The following DENND1A variants were observed in gnomAD, a reference collection of about 807,000 sequenced individuals.
The protein encoded by DENND1A is DENN domain containing 1A, also known as DENN domain-containing protein 1A.
Under a neutral mutation model 113.7 loss-of-function variants are expected in DENND1A, and 51 were observed. That is an observed-to-expected ratio of 0.45 (90% CI 0.36 to 0.57). The LOEUF is 0.57. DENND1A is among the 20% of genes least tolerant of loss of function. DENND1A has a pLI of 0.00. For missense variants in DENND1A, 1,258 were observed against 1,395.9 expected (o/e 0.90, Z 1.57); for synonymous variants, 565 against 570.8 (o/e 0.99, Z 0.14).
At position 123,855,230 on chromosome 9, in the gene DENND1A, T is replaced by A. The variant is rs1276753768; in HGVS notation, c.88+23721A>T. Among the ~76,000 whole-genome samples, 3 of 151,190 alleles carry A rather than the reference T, an allele frequency of 2.0e-5. No individual in the cohort carries two copies. The South Asian group carries it at 6.2e-4, about 31-fold the overall frequency. On this transcript the variant is annotated intron_variant, in intron 2 of 23. Coordinates refer to ENST00000394215, the MANE Select transcript of DENND1A (RefSeq NM_001352964.2). ...TCAAGGGAGAATTCAAGCAAGAAGGTTCCTGCCCTCAAGAAAAACAGAAAA... is the reference window on the plus strand; with the variant it reads ...TCAAGGGAGAATTCAAGCAAGAAGGATCCTGCCCTCAAGAAAAACAGAAAA...
chr9:123,725,427 T>C (rs2067630931), intron 5 of DENND1A, among the ~76,000 whole-genome samples: 1 of 152,200 alleles, frequency 6.6e-6, no homozygotes, highest in South Asian at 2.1e-4. Flanking sequence ...AGAGTGTGAT[T>C]TGGAAACATT....
At position 123,413,870 on chromosome 9, in the gene DENND1A, G is replaced by T. The variant is rs368121988; in HGVS notation, c.1489-2041C>A. Reference sequence around the variant, plus strand: ...TCACACCATTCATCAAGAGGAAGAGGTGATCAGGGAGAGGGGAGCCCACCC... The same window carrying T: ...TCACACCATTCATCAAGAGGAAGAGTTGATCAGGGAGAGGGGAGCCCACCC... On this transcript the variant is annotated intron_variant, in intron 19 of 23. Coordinates refer to ENST00000394215, the MANE Select transcript of DENND1A (RefSeq NM_001352964.2). 68 of 985,350 alleles carry T rather than the reference G, an allele frequency of 6.9e-5. No individual in the cohort carries two copies. The East Asian group carries it at 5.5e-3, about 79-fold the overall frequency. The allele number at this position is 985,350 out of a possible 1,614,324, so 61.0% of individuals were successfully genotyped here. A position where few individuals can be genotyped will look rare whatever the true frequency, so the allele number is the denominator to read the frequency against.
At chr9:123,536,399 G>A (rs1280258507) in intron 13 of DENND1A, among the ~76,000 whole-genome samples, 2 of 151,518 alleles carry the variant, frequency 1.3e-5, no homozygotes, top group Non-Finnish European at 2.9e-5. Flanking sequence ...GAACCCGGGA[G>A]GCAGAAGTTG....
intron 13 of DENND1A, among the ~76,000 whole-genome samples, chr9:123,486,303 G>T (rs1481198412): frequency 2.6e-5 from 4 of 152,110 alleles, no homozygotes; most frequent in African/African-American, 9.7e-5. Flanking sequence ...CCAGGTCAAG[G>T]CTACAGGAAC....
chr9:123,592,894 T>C (rs760754619), intron 11 of DENND1A, among the ~76,000 whole-genome samples: 1 of 152,224 alleles, frequency 6.6e-6, no homozygotes, highest in Non-Finnish European at 1.5e-5. Context: ...CTTCACCAGG[T>C]TATTTTGGCA....
chr9:123,842,980 A>C, intron 2 of DENND1A: 1 of 393,728 alleles, frequency 2.5e-6, no homozygotes, highest in South Asian at 2.0e-5. Context: ...AGTAGGATGC[A>C]GTAGTTCCCC....
intron 5 of DENND1A, among the ~76,000 whole-genome samples, chr9:123,690,877 A>C (rs2065148088): frequency 6.6e-6 from 1 of 152,222 alleles, no homozygotes; most frequent in Non-Finnish European, 1.5e-5. Flanking sequence ...ATGAAGCGGA[A>C]GTTTGTACTC....
intron 8 of DENND1A, among the ~76,000 whole-genome samples, chr9:123,652,664 A>G (rs2062723055): frequency 6.6e-6 from 1 of 152,234 alleles, no homozygotes. Context: ...CTCTCCCGTC[A>G]TCACTGCTGG....
At chr9:123,436,006 G>A (rs1056769404) in intron 19 of DENND1A, among the ~76,000 whole-genome samples, 3 of 152,188 alleles carry the variant, frequency 2.0e-5, no homozygotes, top group Non-Finnish European at 2.9e-5. Context: ...AGGGGTCCTC[G>A]GGAGGGAAGC....
At chr9:123,725,464 AC>A (rs1260238809) in intron 5 of DENND1A, among the ~76,000 whole-genome samples, 1 of 152,130 alleles carries the variant, frequency 6.6e-6, no homozygotes, top group Non-Finnish European at 1.5e-5. Flanking sequence ...TATAATTCAA[AC>A]CCTGTTTTGT....
chr9:123,898,699 T>C (rs1406991201), intron 1 of DENND1A, among the ~76,000 whole-genome samples: 9 of 152,246 alleles, frequency 5.9e-5, no homozygotes, highest in Non-Finnish European at 1.3e-4. Flanking sequence ...GTCTGTGGTT[T>C]GTCTTTTCAT....
At chr9:123,466,272 C>T (rs1056591269) in intron 13 of DENND1A, among the ~76,000 whole-genome samples, 1 of 152,156 alleles carries the variant, frequency 6.6e-6, no homozygotes, top group African/African-American at 2.4e-5. Context: ...GCTGGGATTA[C>T]AAGCATGAGC....
chr9:123,737,969 C>T (rs1472281770), intron 5 of DENND1A, among the ~76,000 whole-genome samples: 1 of 152,112 alleles, frequency 6.6e-6, no homozygotes, highest in African/African-American at 2.4e-5. Flanking sequence ...CTTTCAAACA[C>T]CATTTAAAAG....
At chr9:123,440,985 A>G (rs1236563690) in intron 18 of DENND1A, among the ~76,000 whole-genome samples, 1 of 152,172 alleles carries the variant, frequency 6.6e-6, no homozygotes, top group African/African-American at 2.4e-5. Context: ...TTCTACTACT[A>G]TTGGGCATTT....
chr9:123,639,071 GAAAGAAAAAA>G (rs2061880086), intron 9 of DENND1A, among the ~76,000 whole-genome samples: 3 of 85,184 alleles, frequency 3.5e-5, no homozygotes, highest in African/African-American at 1.4e-4. Flanking sequence ...AAAAAAGAAA[GAAAGAAAAAA>G]AAAGAAAAAG....
At chr9:123,490,910 C>T (rs58465828) in intron 13 of DENND1A, among the ~76,000 whole-genome samples, 4,782 of 152,244 alleles carry the variant, frequency 0.031, 257 homozygotes, top group African/African-American at 0.11. Flanking sequence ...GTACTGAATG[C>T]GACAAGGCTG....
In DENND1A at chr9:123,710,135, G is replaced by A. The variant is rs193183659; in HGVS notation, c.303-33346C>T. On this transcript the variant is annotated intron_variant, in intron 5 of 23. Coordinates refer to ENST00000394215, the MANE Select transcript of DENND1A (RefSeq NM_001352964.2). ...AATTTCCAACATACCTAAGAACTAC[G>A]AAAGCACTTCCAAATCTTTACCTAG... 5.8e-4 allele frequency among the ~76,000 whole-genome samples: 88 copies of A among 152,208 alleles called. No homozygotes were observed. In the Middle Eastern group the frequency reaches 0.017, roughly 29 times the overall value.
intron 13 of DENND1A, among the ~76,000 whole-genome samples, chr9:123,529,328 C>T (rs1453831485): frequency 6.6e-6 from 1 of 152,004 alleles, no homozygotes; most frequent in African/African-American, 2.4e-5. Flanking sequence ...CCCCTTCTCC[C>T]CCGACTGTAG....
intron 2 of DENND1A, among the ~76,000 whole-genome samples, chr9:123,802,265 G>C (rs1198648851): frequency 1.3e-5 from 2 of 152,130 alleles, no homozygotes; most frequent in Non-Finnish European, 2.9e-5. Context: ...TCCGCCCACT[G>C]GCCTGGAGGT....
Sources: allele counts gnomAD v4.1 joint callset (sites outside exome capture counted in the v4.1 genomes callset), GRCh38; gene constraint gnomAD v4.1.1; transcripts MANE v1.5; gene names NCBI Gene and HGNC (gene_info 2026-07-23, HGNC 2026-07-21).